Variants in MAST4 observed in about 807,000 individuals in gnomAD.
MAST4 encodes microtubule-associated serine/threonine-protein kinase 4.
MAST4 carries 89 observed loss-of-function variants against 162.7 expected under a neutral mutation model. That is an observed-to-expected ratio of 0.55 (90% CI 0.46 to 0.65). The LOEUF (loss-of-function observed/expected upper bound fraction) is 0.65. MAST4 is among the 30% of genes least tolerant of loss of function. MAST4 has a pLI of 0.00. For synonymous variants in MAST4, 1,479 were observed against 1,361.1 expected (o/e 1.09, Z -1.91); for missense variants, 3,153 against 3,374.0 (o/e 0.93, Z 1.62).
intron 1 of MAST4, among the ~76,000 whole-genome samples, chr5:66,609,709 T>TTG (rs1554034806): frequency 1.4e-4 from 20 of 145,998 alleles, no homozygotes; most frequent in Non-Finnish European, 2.7e-4. Flanking sequence ...TTTTTTGTTT[T>TTG]TTTTTTTTTG....
At position 67,130,173 on chromosome 5, in the gene MAST4, T is replaced by A; in HGVS notation, c.1746-37T>A. 4 of 1,567,564 alleles carry A rather than the reference T, an allele frequency of 2.6e-6. No homozygotes were observed. The South Asian group carries it at 4.6e-5, about 18-fold the overall frequency. On this transcript the variant is annotated intron_variant, in intron 14 of 28. Coordinates refer to ENST00000403625, the MANE Select transcript of MAST4 (RefSeq NM_001164664.2). ...ATCCCCAAAACATCCTTACTTTCTC[T>A]CCTCCTGTCAACCCCAATACTTCTG...
In MAST4 at chr5:67,167,264, CAAAAAAA is replaced by C. The variant is rs34486167; in HGVS notation, c.*236_*242del. The C allele has an allele frequency of 1.5e-3, 118 of 79,452 alleles. No homozygotes were observed. In the South Asian group the frequency reaches 0.022, roughly 15 times the overall value. 4.9% of individuals were successfully genotyped at this position (79,452 alleles called of 1,614,324 possible). ...AAACTGTTACCAGATAGTGTTTGTA[CAAAAAAA>C]AAAAAAAAAAAAAAAAAAAAAATTA... On this transcript the variant is annotated 3_prime_UTR_variant, in exon 29 of 29. Transcript: ENST00000403625.
intron 3 of MAST4, among the ~76,000 whole-genome samples, chr5:66,816,656 C>T (rs991233617): frequency 9.2e-5 from 14 of 152,202 alleles, no homozygotes; most frequent in South Asian, 6.2e-4. Context: ...CACTGTACCC[C>T]GGCTGCCATC....
rs905099752 is a variant in MAST4, at chr5:66,847,744, T to C, written c.643-52207T>C. 7.5e-5 allele frequency among the ~76,000 whole-genome samples: 10 copies of C among 133,578 alleles called. No individual in the cohort carries two copies. In the Admixed American group the frequency reaches 7.9e-4, roughly 11 times the overall value. 87.6% of individuals were successfully genotyped at this position (133,578 alleles called of 152,430 possible). On this transcript the variant is annotated intron_variant, in intron 3 of 28. Transcript: ENST00000403625. ...GCTGAGGCACTAGAATCACTTGAAC[T>C]AGGGAGGCGGAAGTTGCAGTGAGCT... is the stretch of plus-strand genomic sequence containing the variant.
At chr5:66,891,407 C>T (rs1762355210) in intron 3 of MAST4, among the ~76,000 whole-genome samples, 1 of 152,158 alleles carries the variant, frequency 6.6e-6, no homozygotes, top group Non-Finnish European at 1.5e-5. Context: ...AAGAAGTGTC[C>T]TAACTTCTCT....
rs1338423850 is a variant in MAST4, at chr5:66,730,723, ATATACATACCCC to A, written c.364-28984_364-28973del. Among the ~76,000 whole-genome samples, 5 of 151,662 alleles carry A rather than the reference ATATACATACCCC, an allele frequency of 3.3e-5. No homozygotes were observed. The East Asian group carries it at 9.7e-4, about 30-fold the overall frequency. On this transcript the variant is annotated intron_variant, in intron 1 of 28. Coordinates refer to ENST00000403625, the MANE Select transcript of MAST4 (RefSeq NM_001164664.2). Reference sequence around the variant, plus strand: ...ATTTTTGAAGCGGATCATCCTGTGAATATACATACCCCTTATGCCTACCTACTCTGTGTGTGT... The same window carrying A: ...ATTTTTGAAGCGGATCATCCTGTGAATTATGCCTACCTACTCTGTGTGTGT...
intron 3 of MAST4, among the ~76,000 whole-genome samples, chr5:66,835,910 C>G (rs1017549859): frequency 6.6e-6 from 1 of 152,102 alleles, no homozygotes; most frequent in Non-Finnish European, 1.5e-5. Flanking sequence ...TGGCTCACAC[C>G]TGTAATCCCA....
chr5:66,858,543 A>G (rs1015644797), intron 3 of MAST4, among the ~76,000 whole-genome samples: 7 of 152,138 alleles, frequency 4.6e-5, no homozygotes, highest in Admixed American at 4.6e-4. Flanking sequence ...CTATTTATTC[A>G]TGAGTGAATC....
At chr5:66,627,270 A>T (rs150168645) in intron 1 of MAST4, among the ~76,000 whole-genome samples, 2 of 152,208 alleles carry the variant, frequency 1.3e-5, no homozygotes, top group African/African-American at 4.8e-5. Flanking sequence ...GAAAGGCAGC[A>T]TGGGGATAAC....
chr5:67,019,602 C>T (rs1181680673), intron 4 of MAST4, among the ~76,000 whole-genome samples: 1 of 152,220 alleles, frequency 6.6e-6, no homozygotes, highest in Non-Finnish European at 1.5e-5. Context: ...TTCCTTTCCC[C>T]TCTGTCTTTT....
intron 1 of MAST4, among the ~76,000 whole-genome samples, chr5:66,642,345 C>T (rs758127526): frequency 1.9e-4 from 29 of 152,106 alleles, no homozygotes; most frequent in Admixed American, 1.2e-3. Context: ...AAGGAGGAAC[C>T]TCAACATTAT....
intron 3 of MAST4, among the ~76,000 whole-genome samples, chr5:66,798,741 A>G (rs1321495737): frequency 1.3e-5 from 2 of 152,198 alleles, no homozygotes; most frequent in African/African-American, 4.8e-5. Flanking sequence ...TGCCTGTTCT[A>G]GTACTCTTAA....
intron 1 of MAST4, among the ~76,000 whole-genome samples, chr5:66,740,445 A>G (rs1307002312): frequency 6.6e-6 from 1 of 152,194 alleles, no homozygotes; most frequent in Non-Finnish European, 1.5e-5. Context: ...TGTATTTTCT[A>G]CCTTAATATT....
At chr5:66,957,533 G>C (rs934717367) in intron 4 of MAST4, among the ~76,000 whole-genome samples, 2 of 152,120 alleles carry the variant, frequency 1.3e-5, no homozygotes, top group Non-Finnish European at 2.9e-5. Context: ...CTGCCTCTCT[G>C]TGGAGTCAGT....
chr5:66,673,652 AC>A lies in MAST4; in HGVS notation c.363+76637del, dbSNP rs574222156. On this transcript the variant is annotated intron_variant, in intron 1 of 28. Coordinates refer to ENST00000403625, the MANE Select transcript of MAST4 (RefSeq NM_001164664.2). Reference sequence around the variant, plus strand: ...TGGGATCACAGGCACGTGCTGCCACACCCTGCTAATTTTTTGTATTTTTAAT... The same window carrying A: ...TGGGATCACAGGCACGTGCTGCCACACCTGCTAATTTTTTGTATTTTTAAT... Among the ~76,000 whole-genome samples the A allele has an allele frequency of 8.6e-5, 13 of 150,620 alleles. No homozygotes were observed. In the South Asian group the frequency reaches 2.7e-3, roughly 32 times the overall value.
rs55810044 is a variant in MAST4 at position 67,145,158 on chromosome 5, C to T, written c.2873C>T (p.Thr958Ile). ...TTTTAATTAAGGCAACAGCTATCAA[C>T]ATCCAACTCTTCAGATACTGAAAGC... ...SEYSEMQQLSTSNSSDTESNR... is the reference protein window; with the variant it reads ...SEYSEMQQLSISNSSDTESNR... The change falls in exon 23 of 29, where the codon ACA becomes ATA. Residue 958 changes from threonine to isoleucine, a missense_variant. Thr to Ile is a moderately conservative substitution (Grantham distance 89). This residue lies in a region of MAST4 where 619 missense variants were observed against 744.2 expected (regional missense o/e 0.83). Transcript: ENST00000403625. 2.4e-5 allele frequency: 38 copies of T among 1,609,836 alleles called. No individual in the cohort carries two copies. The highest frequency in any genetic ancestry group is 2.9e-5 in the Non-Finnish European group (34 of 1,177,802).
intron 4 of MAST4, among the ~76,000 whole-genome samples, chr5:66,974,999 AAAGGAGTCTTTGCAGATGTGATTAATTT>A (rs1194600544): frequency 7.2e-5 from 11 of 152,286 alleles, no homozygotes; most frequent in African/African-American, 2.2e-4. Flanking sequence ...ACTTAGGAAA[AAAGGAGTCTTTGCAGATGTGATTAATTT>A]AAGGATTTTG....
At chr5:66,641,848 T>C (rs775610895) in intron 1 of MAST4, among the ~76,000 whole-genome samples, 26 of 152,208 alleles carry the variant, frequency 1.7e-4, no homozygotes, top group Non-Finnish European at 3.5e-4. Flanking sequence ...AAAACCTAGT[T>C]AGTCACCTTT....
chr5:67,007,959 T>C (rs920851578), intron 4 of MAST4, among the ~76,000 whole-genome samples: 2 of 152,230 alleles, frequency 1.3e-5, no homozygotes, highest in Admixed American at 1.3e-4. Context: ...CTGTCCCTTG[T>C]GCTACGTCCC....
Sources: gnomAD v4.1 joint callset for allele counts (sites outside exome capture counted in the v4.1 genomes callset) on GRCh38, gnomAD v4.1.1 for gene constraint, gnomAD v4.1.1 regional missense constraint, MANE v1.5 for transcripts, NCBI Gene and HGNC (gene_info 2026-07-23, HGNC 2026-07-21) for gene names.